The following PROM1 variants were observed in gnomAD, a reference collection of about 807,000 sequenced individuals.
PROM1 encodes prominin 1.
PROM1 carries 105 observed loss-of-function variants against 116.9 expected under a neutral mutation model. That is an observed-to-expected ratio of 0.90 (90% CI 0.77 to 1.06). PROM1 has a LOEUF of 1.06. PROM1 is among the 50% of genes least tolerant of loss of function. The probability of loss-of-function intolerance (pLI) is 0.00; values close to 1 mark genes in which losing one functional copy is unlikely to be tolerated. For synonymous variants in PROM1, 393 were observed against 387.0 expected (o/e 1.02, Z -0.18); for missense variants, 1,122 against 1,045.2 (o/e 1.07, Z -1.01).
chr4:15,999,323 T>A (rs1292185659), intron 14 of PROM1, among the ~76,000 whole-genome samples: 1 of 151,722 alleles, frequency 6.6e-6, no homozygotes, highest in Admixed American at 6.6e-5. Context: ...TACAAAAAAT[T>A]AGCCGCGCGT....
chr4:16,041,498 C>G (rs907620709), intron 2 of PROM1, among the ~76,000 whole-genome samples: 64 of 152,036 alleles, frequency 4.2e-4, no homozygotes, highest in African/African-American at 1.5e-3. Flanking sequence ...AAGTTGATGG[C>G]CAGGCACAGT....
intron 1 of PROM1, among the ~76,000 whole-genome samples, chr4:16,081,498 T>C (rs1366754472): frequency 1.3e-5 from 2 of 152,144 alleles, no homozygotes; most frequent in Non-Finnish European, 2.9e-5. Flanking sequence ...CCAAAAGCAA[T>C]GGCAACAAAA....
intron 19 of PROM1, among the ~76,000 whole-genome samples, chr4:15,989,432 A>C (rs1239073933): frequency 6.6e-6 from 1 of 152,236 alleles, no homozygotes; most frequent in Non-Finnish European, 1.5e-5. Context: ...AGTCCACAGC[A>C]TTGTAGCTAA....
chr4:15,975,433 C>T (rs566561657), intron 26 of PROM1, among the ~76,000 whole-genome samples: 1 of 152,258 alleles, frequency 6.6e-6, no homozygotes, highest in African/African-American at 2.4e-5. Flanking sequence ...GTTGGCCAGG[C>T]TGGTCTCAAA....
chr4:16,003,098 T>A (rs975947713), intron 13 of PROM1, among the ~76,000 whole-genome samples: 1 of 152,198 alleles, frequency 6.6e-6, no homozygotes, highest in African/African-American at 2.4e-5. Flanking sequence ...GTTAGGATAA[T>A]ACATGCATCA....
chr4:16,058,041 G>A (rs1010756082), intron 2 of PROM1, among the ~76,000 whole-genome samples: 1 of 152,194 alleles, frequency 6.6e-6, no homozygotes, highest in Admixed American at 6.5e-5. Flanking sequence ...AGGAAAAAAA[G>A]ACTAGAAAGA....
At chr4:16,013,748 G>A (rs1727537598) in intron 10 of PROM1, among the ~76,000 whole-genome samples, 1 of 152,070 alleles carries the variant, frequency 6.6e-6, no homozygotes, top group Admixed American at 6.6e-5. Flanking sequence ...GGATTGTGTG[G>A]GGAGATGCCA....
At chr4:16,075,511 C>G (rs1578332715) in intron 2 of PROM1, among the ~76,000 whole-genome samples, 176 bp downstream of exon 2, 2 of 152,240 alleles carry the variant, frequency 1.3e-5, no homozygotes, top group Non-Finnish European at 2.9e-5. Context: ...ACATTCCTCG[C>G]AACCTATGTA....
rs1731969408 is a variant in PROM1 at position 16,028,661 on chromosome 4, A to G, written c.510-3349T>C. ...TAGCAAAAAAAAGGTATGTGAATAA[A>G]TATTTTTATTTGAACAACCTCCAGT... On this transcript the variant is annotated intron_variant, in intron 5 of 27. Coordinates refer to ENST00000447510, the MANE Select transcript of PROM1 (RefSeq NM_006017.3). Among the ~76,000 whole-genome samples the G allele has an allele frequency of 2.0e-5, 3 of 149,190 alleles. No homozygotes were observed. The South Asian group carries it at 6.4e-4, about 32-fold the overall frequency.
chr4:15,989,320 C>T (rs1648695132), intron 19 of PROM1, among the ~76,000 whole-genome samples: 1 of 151,700 alleles, frequency 6.6e-6, no homozygotes, highest in Non-Finnish European at 1.5e-5. Context: ...CGAAGCAACG[C>T]CCATCGAGAC....
rs11726546 is a variant in PROM1 at position 15,985,927 on chromosome 4, G to A, written c.2211+30C>T. On this transcript the variant is annotated intron_variant, in intron 21 of 27. Transcript: ENST00000447510. Reference sequence around the variant, plus strand: ...TGTAACATTCAAGTGCCCACTTATGGACACGCTTACTTTAAAAAAGAAGGC... The same window carrying A: ...TGTAACATTCAAGTGCCCACTTATGAACACGCTTACTTTAAAAAAGAAGGC... 0.011 allele frequency: 16,843 copies of A among 1,475,308 alleles called. 156 individuals are homozygous for A. Among genetic ancestry groups the A allele is most frequent in the Admixed American group, 0.042 (2,166 of 52,000 alleles). 91.4% of individuals were successfully genotyped at this position (1,475,308 alleles called of 1,614,324 possible).
At chr4:16,029,932 T>G (rs1732258875) in intron 5 of PROM1, among the ~76,000 whole-genome samples, 1 of 152,220 alleles carries the variant, frequency 6.6e-6, no homozygotes, top group Admixed American at 6.5e-5. Context: ...TTCCCTCCAC[T>G]TCCTTTCTTT....
At chr4:16,029,005 C>T (rs79229653) in intron 5 of PROM1, among the ~76,000 whole-genome samples, 7,004 of 152,254 alleles carry the variant, frequency 0.046, 268 homozygotes, top group African/African-American at 0.11. Context: ...ATTGCTCTTA[C>T]CAATTTCTAC....
chr4:15,989,641 G>T, intron 19 of PROM1, 91 bp downstream of exon 19: 1 of 1,069,028 alleles, frequency 9.4e-7, no homozygotes, highest in South Asian at 1.4e-5. Flanking sequence ...TATGAGAGAT[G>T]AGCATGTGTC....
intron 2 of PROM1, among the ~76,000 whole-genome samples, chr4:16,051,556 C>A (rs16892888): frequency 0.082 from 12,456 of 152,224 alleles, 716 homozygotes; most frequent in East Asian, 0.18. Context: ...GTTGATTTTA[C>A]GCTACAAGAT....
chr4:15,989,818 C>T lies in PROM1; in HGVS notation c.1990G>A (p.Gly664Arg), dbSNP rs1720528131. 4.4e-6 allele frequency: 7 copies of T among 1,600,666 alleles called. No individual in the cohort carries two copies. The highest frequency in any genetic ancestry group is 6.0e-6 in the Non-Finnish European group (7 of 1,172,042). Residue 664 changes from glycine (G) to arginine (R), a missense_variant, in exon 19 of 28, where the codon GGA becomes AGA. Physicochemically the swap from Gly to Arg is moderately radical, Grantham distance 125. Transcript: ENST00000447510. The part of the protein sequence containing the change: ...LEAKANSLPP[G>R]NLRNSLKRDA... ...CTTTTCAGGGAGTTCCTCAAATTTC[C>T]TGGGGGCTACAAAAAGAATAAAAAA...
rs776640577 is a variant in PROM1 at position 15,992,327 on chromosome 4, C to G, written c.1832G>C (p.Gly611Ala). Residue 611 changes from glycine to alanine, a missense_variant, in exon 17 of 28, where the codon GGT becomes GCT. By Grantham distance (60) the Gly-to-Ala change is moderately conservative. Coordinates refer to ENST00000447510, the MANE Select transcript of PROM1 (RefSeq NM_006017.3). Reference protein sequence around the residue: ...LKVNLNIFLLGAAGRKNLQDF... With the variant: ...LKVNLNIFLLAAAGRKNLQDF... ...CTGAAGGTTTTTTCTTCCTGCTGCA[C>G]CCAACAGAAAGATATTAAGATTTAC... 1 of 1,613,830 alleles carries G rather than the reference C, an allele frequency of 6.2e-7. No homozygotes were observed. The highest frequency in any genetic ancestry group is 8.5e-7 in the Non-Finnish European group (1 of 1,179,788).
intron 12 of PROM1, 54 bp from the exon 13 acceptor site, chr4:16,006,744 C>T: frequency 6.4e-7 from 1 of 1,566,880 alleles, no homozygotes; most frequent in Non-Finnish European, 8.7e-7. Flanking sequence ...GCCACCCTAA[C>T]ACAAAAGCTG....
At chr4:15,985,352 T>C (rs140451288) in intron 22 of PROM1, among the ~76,000 whole-genome samples, 3 of 152,300 alleles carry the variant, frequency 2.0e-5, no homozygotes, top group Non-Finnish European at 4.4e-5. Flanking sequence ...TTGTATATAT[T>C]TTAAAGCAAG....
Sources: allele counts gnomAD v4.1 joint callset (sites outside exome capture counted in the v4.1 genomes callset), GRCh38; gene constraint gnomAD v4.1.1; transcripts MANE v1.5; gene names NCBI Gene and HGNC (gene_info 2026-07-23, HGNC 2026-07-21).